CROT: variants seen among roughly 807,000 people sequenced by gnomAD.
CROT encodes peroxisomal carnitine O-octanoyltransferase.
A neutral mutation model predicts 89.2 loss-of-function variants in CROT; 84 were observed. The observed-to-expected ratio is 0.94, with a 90% confidence interval of 0.79 to 1.13. The LOEUF is 1.13. Ranked by LOEUF, CROT falls within the 50% of genes most tolerant of loss-of-function variation. The probability of loss-of-function intolerance (pLI) is 0.00; values close to 1 mark genes in which losing one functional copy is unlikely to be tolerated. For missense variants in CROT, 711 were observed against 727.8 expected (o/e 0.98, Z 0.27); for synonymous variants, 212 against 239.5 (o/e 0.89, Z 1.06).
intron 10 of CROT, 47 bp downstream of exon 10, chr7:87,377,497 T>C: frequency 1.8e-6 from 2 of 1,083,004 alleles, no homozygotes; most frequent in Non-Finnish European, 2.8e-6. Flanking sequence ...TTAGGTTAAA[T>C]TAATGACAAT....
intron 7 of CROT, among the ~76,000 whole-genome samples, chr7:87,374,365 C>T (rs1311332238): frequency 6.6e-6 from 1 of 151,956 alleles, no homozygotes; most frequent in Non-Finnish European, 1.5e-5. Context: ...TAATAATGAC[C>T]ACCTTGTAAA....
intron 17 of CROT, among the ~76,000 whole-genome samples, chr7:87,395,116 A>G (rs960646031): frequency 1.1e-4 from 16 of 152,188 alleles, no homozygotes; most frequent in Admixed American, 7.2e-4. Flanking sequence ...CACGATCACA[A>G]GGTCCCACAA....
At chr7:87,367,787 A>G (rs1806491097) in intron 6 of CROT, among the ~76,000 whole-genome samples, 1 of 152,122 alleles carries the variant, frequency 6.6e-6, no homozygotes. Context: ...CCATCTTAAA[A>G]GGAAAACAAT....
At chr7:87,391,529 C>G in intron 13 of CROT, 60 bp from the exon 14 acceptor site, 1 of 1,496,028 alleles carries the variant, frequency 6.7e-7, no homozygotes, top group Non-Finnish European at 9.0e-7. Flanking sequence ...GCAACTATAT[C>G]TGTAATGATA....
intron 3 of CROT, chr7:87,357,523 C>G: frequency 6.5e-7 from 1 of 1,544,460 alleles, no homozygotes; most frequent in Non-Finnish European, 8.8e-7. Flanking sequence ...GAACATGCTA[C>G]CAGATAAGGG....
Position 87,359,218 on chromosome 7 carries a change from C to A in CROT, c.128C>A (p.Ala43Glu). The change falls in exon 4 of 18, where the codon GCA (alanine) becomes GAA (glutamate). Residue 43 changes from alanine to glutamate, a missense_variant. By Grantham distance (107) the Ala-to-Glu change is moderately radical. Transcript: ENST00000331536. ...KKYLESVKPF[A>E]NQEEYKKTEE... ...TTTTCCTTTCTAGTGAAACCATTTG[C>A]AAATCAAGAAGAATATAAGAAAACT... 1 of 1,579,154 alleles carries A rather than the reference C, an allele frequency of 6.3e-7. No homozygotes were observed. The highest frequency in any genetic ancestry group is 2.2e-5 in the East Asian group (1 of 44,538).
chr7:87,379,389 T>G (rs1005485332), intron 10 of CROT, among the ~76,000 whole-genome samples: 2 of 152,208 alleles, frequency 1.3e-5, no homozygotes, highest in Non-Finnish European at 2.9e-5. Context: ...CATTATATGT[T>G]AAATTGTTCA....
At chr7:87,372,811 A>T (rs182039081) in intron 7 of CROT, among the ~76,000 whole-genome samples, 1 of 152,242 alleles carries the variant, frequency 6.6e-6, no homozygotes, top group Admixed American at 6.5e-5. Context: ...GCTGAATAAC[A>T]TTCTATTTTA....
intron 3 of CROT, among the ~76,000 whole-genome samples, chr7:87,358,354 CGCCTGTATTCCCA>C (rs1448621079): frequency 6.7e-6 from 1 of 150,238 alleles, no homozygotes; most frequent in Non-Finnish European, 1.5e-5. Flanking sequence ...TGGTGGCGGG[CGCCTGTATTCCCA>C]GCTACTCGGG....
At chr7:87,389,960 TTTGA>T (rs1807308621) in intron 13 of CROT, among the ~76,000 whole-genome samples, 1 of 152,158 alleles carries the variant, frequency 6.6e-6, no homozygotes, top group South Asian at 2.1e-4. Context: ...ACACATTGCA[TTTGA>T]TTGATATACC....
intron 17 of CROT, among the ~76,000 whole-genome samples, chr7:87,394,858 T>A (rs1433100576): frequency 1.3e-5 from 2 of 152,038 alleles, no homozygotes; most frequent in Non-Finnish European, 2.9e-5. Flanking sequence ...AGGTTTGGCT[T>A]TAAAAATGTC....
intron 2 of CROT, among the ~76,000 whole-genome samples, 184 bp downstream of exon 2, chr7:87,346,614 G>C (rs1805686453): frequency 6.6e-6 from 1 of 152,116 alleles, no homozygotes; most frequent in Non-Finnish European, 1.5e-5. Context: ...CTTCAAGAAA[G>C]AATCCAATAA....
chr7:87,361,349 A>T (rs563441866), intron 4 of CROT, 41 bp from the exon 5 acceptor site: 1 of 1,553,026 alleles, frequency 6.4e-7, no homozygotes, highest in South Asian at 1.1e-5. Flanking sequence ...ACATTCATGT[A>T]TTATGAAGAA....
At chr7:87,370,910 A>T (rs184900197) in intron 7 of CROT, among the ~76,000 whole-genome samples, 224 of 152,374 alleles carry the variant, frequency 1.5e-3, no homozygotes, top group South Asian at 7.5e-3. Context: ...CCAGTTTTCC[A>T]AAGTAGTTAT....
chr7:87,369,754 G>A (rs1806569543), intron 7 of CROT: 1 of 161,660 alleles, frequency 6.2e-6, no homozygotes, highest in Non-Finnish European at 1.3e-5. Context: ...ACTCTTACTA[G>A]TTTAGTGTGT....
intron 3 of CROT, among the ~76,000 whole-genome samples, chr7:87,358,474 T>C (rs1298332539): frequency 4.6e-5 from 4 of 86,104 alleles, no homozygotes; most frequent in Admixed American, 1.9e-4. Context: ...AGAGCGAGAC[T>C]CCATCTCAAA....
rs193225642 is a variant in CROT, at chr7:87,356,954, G to A, written c.116-2252G>A. On this transcript the variant is annotated intron_variant, in intron 3 of 17. Coordinates refer to ENST00000331536, the MANE Select transcript of CROT (RefSeq NM_021151.4). Reference sequence around the variant, plus strand: ...GGAGAATCGCCTGAACCTGGGAGGCGGAGGTTGCTGTGAGCCAAGATTGCA... The same window carrying A: ...GGAGAATCGCCTGAACCTGGGAGGCAGAGGTTGCTGTGAGCCAAGATTGCA... Among the ~76,000 whole-genome samples the A allele has an allele frequency of 2.8e-4, 42 of 152,238 alleles. No individual in the cohort carries two copies. The East Asian group carries it at 6.9e-3, about 25-fold the overall frequency.
intron 10 of CROT, among the ~76,000 whole-genome samples, chr7:87,380,116 TA>T (rs2115997554): frequency 1.3e-5 from 2 of 152,128 alleles, no homozygotes; most frequent in South Asian, 4.2e-4. Context: ...GTCCCAAAAA[TA>T]ATAATAAGAA....
rs752837969 is a variant in CROT at position 87,382,084 on chromosome 7, A to G, written c.1073A>G (p.Lys358Arg). ...QNEGRWKGSE[K>R]VRDIPLPEEL... ...CTTCCCTATTTTCAGGGTTCAGAGA[A>G]GGTACGAGATATACCACTTCCAGAA... Residue 358 changes from lysine (K) to arginine (R), a missense_variant, in exon 12 of 18, where the codon AAG (lysine) becomes AGG (arginine). Lys to Arg is a conservative substitution (Grantham distance 26). Coordinates refer to ENST00000331536, the MANE Select transcript of CROT (RefSeq NM_021151.4). 6.2e-7 allele frequency: 1 copy of G among 1,610,946 alleles called. No homozygotes were observed. Among genetic ancestry groups the G allele is most frequent in the East Asian group, 2.2e-5 (1 of 44,776 alleles).
Sources: allele counts gnomAD v4.1 joint callset (sites outside exome capture counted in the v4.1 genomes callset), GRCh38; gene constraint gnomAD v4.1.1; transcripts MANE v1.5; gene names NCBI Gene and HGNC (gene_info 2026-07-23, HGNC 2026-07-21).